Variants in ATG7 observed in about 807,000 individuals in gnomAD.
ATG7 encodes ubiquitin-like modifier-activating enzyme ATG7.
ATG7 carries 70 observed loss-of-function variants against 82.4 expected under a neutral mutation model. The ratio of observed to expected loss-of-function variants is 0.85; its 90% CI spans 0.70 to 1.04. The LOEUF (loss-of-function observed/expected upper bound fraction) is 1.04, where lower values mean the gene tolerates loss of function less well. ATG7 is among the 50% of genes least tolerant of loss of function. The pLI is 0.00. For synonymous variants in ATG7, 287 were observed against 313.0 expected, an observed-to-expected ratio of 0.92 and a Z score of 0.88; for missense variants, 792 against 864.3, an observed-to-expected ratio of 0.92 and a Z score of 1.05.
At chr3:11,561,526 T>G (rs2073000819), downstream of ATG7, among the ~76,000 whole-genome samples, 1 of 152,192 alleles carries the variant, frequency 6.6e-6, no homozygotes, top group African/African-American at 2.4e-5. Flanking sequence ...CTCGTGGGAC[T>G]GGCTCCACCA....
At position 11,273,432 on chromosome 3, in the gene ATG7, C is replaced by T. The variant is rs180820532; in HGVS notation, c.-366+1002C>T. On this transcript the variant is annotated intron_variant, in intron 1 of 20. Coordinates refer to ENST00000693202, the MANE Select transcript of ATG7 (RefSeq NM_001349232.2). ...TAATCTTAGCTCACTGTTCCTCCTT[C>T]AGGCTCTTGGAATCACCCCTGCATT... is the stretch of plus-strand genomic sequence containing the variant. Among the ~76,000 whole-genome samples, 32 of 152,314 alleles carry T rather than the reference C, an allele frequency of 2.1e-4. 1 individual carries two copies. The East Asian group carries it at 6.2e-3, about 29-fold the overall frequency.
chr3:11,277,890 G>GAC lies in ATG7; in HGVS notation c.-365-3103_-365-3102dup, dbSNP rs1553596292. 2.1e-4 allele frequency among the ~76,000 whole-genome samples: 10 copies of GAC among 48,120 alleles called. 1 individual carries two copies. The highest frequency in any genetic ancestry group is 1.5e-3 in the Admixed American group (5 of 3,400). The allele number at this position is 48,120 out of a possible 152,430, so 31.6% of individuals were successfully genotyped here. A position where few individuals can be genotyped will look rare whatever the true frequency, so the allele number is the denominator to read the frequency against. On this transcript the variant is annotated intron_variant, in intron 1 of 20. Transcript: ENST00000693202. ...GACACTCCCAGAGCGGCCCTTTATA[G>GAC]ACCCCCCCCCCCCCACCAGGAATGC...
chr3:11,294,546 A>C (rs1379171502), intron 3 of ATG7, among the ~76,000 whole-genome samples: 6 of 152,170 alleles, frequency 3.9e-5, no homozygotes, highest in South Asian at 2.1e-4. Flanking sequence ...TCCATTGGGC[A>C]AAATTATAAA....
intron 20 of ATG7, among the ~76,000 whole-genome samples, chr3:11,536,288 C>T (rs935342338): frequency 6.6e-6 from 1 of 152,242 alleles, no homozygotes; most frequent in African/African-American, 2.4e-5. Context: ...AGCCCCTCAT[C>T]AGCGCTGAGG....
chr3:11,284,703 C>T (rs959331171), intron 3 of ATG7, among the ~76,000 whole-genome samples: 73 of 152,082 alleles, frequency 4.8e-4, no homozygotes, highest in African/African-American at 1.7e-3. Context: ...AGGCGTGCAC[C>T]ACCACTCCAT....
At chr3:11,285,165 C>G (rs1190124780) in intron 3 of ATG7, among the ~76,000 whole-genome samples, 1 of 138,388 alleles carries the variant, frequency 7.2e-6, no homozygotes, top group South Asian at 2.3e-4. Flanking sequence ...TTTTTAAAAG[C>G]CCGGCCTTTT....
At chr3:11,338,282 T>A (rs1375652012) in intron 11 of ATG7, among the ~76,000 whole-genome samples, 2 of 152,224 alleles carry the variant, frequency 1.3e-5, no homozygotes, top group African/African-American at 4.8e-5. Flanking sequence ...GCAAAAGACA[T>A]GATCTCGTTC....
At chr3:11,549,075 T>C (rs888034023) in intron 20 of ATG7, among the ~76,000 whole-genome samples, 3 of 152,100 alleles carry the variant, frequency 2.0e-5, no homozygotes, top group Admixed American at 1.3e-4. Flanking sequence ...TTTTTTTTTT[T>C]CAATCAGCTG....
At chr3:11,342,620 C>A (rs1414857304) in intron 13 of ATG7, among the ~76,000 whole-genome samples, 1 of 152,008 alleles carries the variant, frequency 6.6e-6, no homozygotes, top group African/African-American at 2.4e-5. Context: ...AAGATTAGAT[C>A]ATAGCATACT....
chr3:11,333,289 G>A (rs1274585553), intron 11 of ATG7, among the ~76,000 whole-genome samples, 196 bp downstream of exon 11: 1 of 152,212 alleles, frequency 6.6e-6, no homozygotes, highest in African/African-American at 2.4e-5. Flanking sequence ...GGCAAAGATT[G>A]TGACCAGGAA....
the ATG7 span, among the ~76,000 whole-genome samples, chr3:11,567,077 AG>A: frequency 0.013 from 1,911 of 152,182 alleles, 46 homozygotes; most frequent in African/African-American, 0.044. Flanking sequence ...GAAGCACCAG[AG>A]GGGGCCTGAG....
chr3:11,342,126 CTT>C lies in ATG7; in HGVS notation c.981-6_981-5del. 1 of 1,608,288 alleles carries C rather than the reference CTT, an allele frequency of 6.2e-7. No individual in the cohort carries two copies. The highest frequency in any genetic ancestry group is 8.5e-7 in the Non-Finnish European group (1 of 1,178,298). Reference sequence around the variant, plus strand: ...GAGTGACTGAATAAGTAAATCTCTCCTTTTCTAGGTTAGCTGAGTCATCAGTG... The same window carrying C: ...GAGTGACTGAATAAGTAAATCTCTCCTTCTAGGTTAGCTGAGTCATCAGTG... On this transcript the variant is annotated splice_polypyrimidine_tract_variant and splice_region_variant and intron_variant, in intron 12 of 20. Transcript: ENST00000693202.
chr3:11,383,711 G>A (rs1048238636), intron 19 of ATG7, among the ~76,000 whole-genome samples: 1 of 152,140 alleles, frequency 6.6e-6, no homozygotes, highest in Admixed American at 6.5e-5. Context: ...GCCTCCCAAA[G>A]TGCTGAGATT....
chr3:11,381,925 A>G (rs370367181), intron 19 of ATG7, among the ~76,000 whole-genome samples: 1 of 152,346 alleles, frequency 6.6e-6, no homozygotes, highest in African/African-American at 2.4e-5. Flanking sequence ...CAACATTAAT[A>G]CTTTAAAATG....
chr3:11,479,028 ACACACACACAC>A (rs2088612481), intron 20 of ATG7, among the ~76,000 whole-genome samples: 1 of 151,852 alleles, frequency 6.6e-6, no homozygotes. Flanking sequence ...ACACACACAC[ACACACACACAC>A]AATTTTTTAC....
intron 3 of ATG7, among the ~76,000 whole-genome samples, chr3:11,296,826 T>A (rs1249345744): frequency 1.3e-5 from 2 of 152,176 alleles, no homozygotes; most frequent in Non-Finnish European, 2.9e-5. Flanking sequence ...TCAGTGCCCA[T>A]CTGCTTCACG....
intron 19 of ATG7, among the ~76,000 whole-genome samples, chr3:11,411,891 T>A (rs1028514206): frequency 6.6e-6 from 1 of 152,130 alleles, no homozygotes; most frequent in South Asian, 2.1e-4. Flanking sequence ...GTTAATTTTT[T>A]AATATGGTGT....
chr3:11,420,817 G>A (rs1433869211), intron 19 of ATG7, among the ~76,000 whole-genome samples: 1 of 147,210 alleles, frequency 6.8e-6, no homozygotes, highest in African/African-American at 2.5e-5. Flanking sequence ...GTGCAATGGC[G>A]CGATCTCGGC....
At chr3:11,472,174 G>A (rs2087617926) in intron 20 of ATG7, among the ~76,000 whole-genome samples, 1 of 152,198 alleles carries the variant, frequency 6.6e-6, no homozygotes. Context: ...TTCATGGAGA[G>A]TTCTAATGTA....
Sources: gnomAD v4.1 joint callset for allele counts (sites outside exome capture counted in the v4.1 genomes callset) on GRCh38, gnomAD v4.1.1 for gene constraint, MANE v1.5 for transcripts, NCBI Gene and HGNC (gene_info 2026-07-23, HGNC 2026-07-21) for gene names.